Variants in TWIST2 observed in about 807,000 individuals in gnomAD.
The protein encoded by TWIST2 is twist family bHLH transcription factor 2.
A neutral mutation model predicts 11.6 loss-of-function variants in TWIST2; 1 was observed. That is an observed-to-expected ratio of 0.09 (90% CI 0.03 to 0.41). The LOEUF is 0.41. Ranked by LOEUF, TWIST2 falls within the 10% of genes least tolerant of loss-of-function variation. The probability of loss-of-function intolerance (pLI) is 0.98; values close to 1 mark genes in which losing one functional copy is unlikely to be tolerated. For synonymous variants in TWIST2, 87 were observed against 96.6 expected (o/e 0.90, Z 0.58); for missense variants, 168 against 226.4 (o/e 0.74, Z 1.66).
intron 1 of TWIST2, among the ~76,000 whole-genome samples, chr2:238,908,592 CTGTA>C (rs1693396035): frequency 6.6e-6 from 1 of 152,170 alleles, no homozygotes; most frequent in Admixed American, 6.5e-5. Flanking sequence ...GACGACACCA[CTGTA>C]TGTGTGGCAT....
intron 1 of TWIST2, among the ~76,000 whole-genome samples, chr2:238,907,484 G>A (rs1462078188): frequency 6.6e-6 from 1 of 152,116 alleles, no homozygotes; most frequent in Non-Finnish European, 1.5e-5. Context: ...TTTCCCCAAG[G>A]CGCTCCCGGG....
Position 238,878,852 on chromosome 2 carries a change from G to T in TWIST2, c.*35+30119G>T, listed in dbSNP as rs757950679. Among the ~76,000 whole-genome samples the T allele has an allele frequency of 2.0e-5, 3 of 152,242 alleles. No homozygotes were observed. The South Asian group carries it at 6.2e-4, about 32-fold the overall frequency. The stretch of plus-strand genomic sequence containing the variant: ...AAACTCAGTGTGTTCTCTCTTTATA[G>T]TCCTCCACCTTCAGGAGCTGACTTT... On this transcript the variant is annotated intron_variant, in intron 1 of 1. Transcript: ENST00000612363.
chr2:238,853,044 T>C (rs1226199058), intron 1 of TWIST2, among the ~76,000 whole-genome samples: 2 of 152,100 alleles, frequency 1.3e-5, no homozygotes, highest in East Asian at 3.8e-4. Context: ...ATTTCCAATA[T>C]ATAACTAATT....
rs536660894 is a variant in TWIST2, at chr2:238,848,856, C to G, written c.*35+123C>G. On this transcript the variant is annotated intron_variant, in intron 1 of 1. Coordinates refer to ENST00000612363, the MANE Select transcript of TWIST2 (RefSeq NM_001271893.4). The stretch of plus-strand genomic sequence containing the variant: ...CCGCGGGCCGCGGGGGCTTGGATGC[C>G]GTGCGCTTTTCCTCTTAGCAAGGAA... 12 of 760,110 alleles carry G rather than the reference C, an allele frequency of 1.6e-5. No individual in the cohort carries two copies. In the African/African-American group the frequency reaches 1.8e-4, roughly 12 times the overall value. The allele number at this position is 760,110 out of a possible 1,614,324, so 47.1% of individuals were successfully genotyped here.
rs141217973 is a variant in TWIST2, at chr2:238,878,524, T to C, written c.*35+29791T>C. 8.3e-3 allele frequency among the ~76,000 whole-genome samples: 1,264 copies of C among 152,284 alleles called. 7 individuals are homozygous for C. Among genetic ancestry groups the C allele is most frequent in the Non-Finnish European group, 0.012 (841 of 68,016 alleles). On this transcript the variant is annotated intron_variant, in intron 1 of 1. Transcript: ENST00000612363. ...CATTCGGCATCCCAGGTCCTGGTGA[T>C]TGTCAGAGGCCAGCCTGTGGGGACA... is the stretch of plus-strand genomic sequence containing the variant.
chr2:238,902,952 GA>G, intron 1 of TWIST2, among the ~76,000 whole-genome samples: 2 of 47,288 alleles, frequency 4.2e-5, no homozygotes, highest in African/African-American at 1.0e-4. Flanking sequence ...TGTGATGTGT[GA>G]GGTGTGTGTG....
intron 1 of TWIST2, among the ~76,000 whole-genome samples, chr2:238,870,383 C>CACACA (rs1215126407): frequency 3.9e-4 from 1 of 2,582 alleles, no homozygotes. Flanking sequence ...CCCCACACAC[C>CACACA]CCACACACCC....
chr2:238,900,986 CTTTTT>C (rs1248385207), intron 1 of TWIST2, among the ~76,000 whole-genome samples: 1 of 139,670 alleles, frequency 7.2e-6, no homozygotes, highest in African/African-American at 2.7e-5. Context: ...TCCCCCCCGG[CTTTTT>C]TTTTTTTTTT....
Position 238,848,206 on chromosome 2 carries a change from G to A in TWIST2, c.-10G>A. 7.7e-7 allele frequency: 1 copy of A among 1,298,462 alleles called. No individual in the cohort carries two copies. Among genetic ancestry groups the A allele is most frequent in the South Asian group, 2.4e-5 (1 of 41,820 alleles). 80.4% of individuals were successfully genotyped at this position (1,298,462 alleles called of 1,614,324 possible). On this transcript the variant is annotated 5_prime_UTR_variant, in exon 1 of 2. Transcript: ENST00000612363. ...GGCGCCCCCAGCCCCACGCGCGCCGGGCGGGCGCCATGGAGGAGGGCTCCA... is the reference window on the plus strand; with the variant it reads ...GGCGCCCCCAGCCCCACGCGCGCCGAGCGGGCGCCATGGAGGAGGGCTCCA...
intron 1 of TWIST2, among the ~76,000 whole-genome samples, chr2:238,854,527 A>G (rs1692296472): frequency 6.6e-6 from 1 of 152,208 alleles, no homozygotes; most frequent in South Asian, 2.1e-4. Context: ...AGCTCCCCCC[A>G]GGAGGGGTTA....
intron 1 of TWIST2, among the ~76,000 whole-genome samples, chr2:238,857,798 G>C (rs1298399941): frequency 1.3e-5 from 2 of 152,056 alleles, no homozygotes; most frequent in African/African-American, 4.8e-5. Flanking sequence ...TTAGCCACGT[G>C]TGGTGGCACA....
chr2:238,904,338 G>A (rs1223739042), intron 1 of TWIST2, among the ~76,000 whole-genome samples: 2 of 149,290 alleles, frequency 1.3e-5, no homozygotes, highest in East Asian at 4.0e-4. Context: ...GATATGGGAT[G>A]TGTGATGTAG....
intron 1 of TWIST2, among the ~76,000 whole-genome samples, chr2:238,895,764 G>A (rs1693198928): frequency 6.6e-6 from 1 of 152,188 alleles, no homozygotes; most frequent in African/African-American, 2.4e-5. Context: ...AGAGCCTGGG[G>A]GTTGCCAGGT....
intron 1 of TWIST2, among the ~76,000 whole-genome samples, chr2:238,905,884 T>C (rs1300070856): frequency 2.0e-5 from 3 of 147,348 alleles, no homozygotes; most frequent in Non-Finnish European, 3.0e-5. Flanking sequence ...TGTGTGCATG[T>C]GCGCGCATGC....
chr2:238,901,595 G>A lies in TWIST2; in HGVS notation c.*36-8247G>A, dbSNP rs934139803. ...ATCTCCTTGTCTGTTGTGCACTCAC[G>A]CCGATGGGAGGTCTCACTGACCACG... On this transcript the variant is annotated intron_variant, in intron 1 of 1. Transcript: ENST00000612363. 5.3e-5 allele frequency among the ~76,000 whole-genome samples: 8 copies of A among 152,234 alleles called. No homozygotes were observed. The South Asian group carries it at 1.2e-3, about 24-fold the overall frequency.
Position 238,867,576 on chromosome 2 carries a change from A to G in TWIST2, c.*35+18843A>G, listed in dbSNP as rs529145756. 1.2e-4 allele frequency among the ~76,000 whole-genome samples: 18 copies of G among 151,998 alleles called. No homozygotes were observed. The South Asian group carries it at 2.7e-3, about 23-fold the overall frequency. ...AACCCTTTGATAAACAGGAAAGAAT[A>G]TTTTCACTTTGGCACAGGCCTGGCA... On this transcript the variant is annotated intron_variant, in intron 1 of 1. Coordinates refer to ENST00000612363, the MANE Select transcript of TWIST2 (RefSeq NM_001271893.4). The surrounding 1 kb of genome is among the most constrained non-coding windows in gnomAD (Gnocchi z 4.8).
At chr2:238,907,511 C>T (rs1235750420) in intron 1 of TWIST2, among the ~76,000 whole-genome samples, 1 of 152,120 alleles carries the variant, frequency 6.6e-6, no homozygotes, top group Non-Finnish European at 1.5e-5. Context: ...GGTTGCAGCC[C>T]CAGAGCTGCA....
chr2:238,859,138 G>C (rs1173348342), intron 1 of TWIST2, among the ~76,000 whole-genome samples: 1 of 151,694 alleles, frequency 6.6e-6, no homozygotes, highest in Non-Finnish European at 1.5e-5. Context: ...CTTGAACCTG[G>C]GAGGCAGAGG....
At chr2:238,857,696 G>A (rs975103446) in intron 1 of TWIST2, among the ~76,000 whole-genome samples, 1 of 152,000 alleles carries the variant, frequency 6.6e-6, no homozygotes, top group African/African-American at 2.4e-5. Context: ...CAGCATTTTG[G>A]GAGGCCAAGG....
Sources: allele counts gnomAD v4.1 joint callset (sites outside exome capture counted in the v4.1 genomes callset), GRCh38; gene constraint gnomAD v4.1.1; non-coding constraint Gnocchi (gnomAD v3.1); transcripts MANE v1.5; gene names NCBI Gene and HGNC (gene_info 2026-07-23, HGNC 2026-07-21).